Variants in SGCE observed in about 807,000 individuals in gnomAD.
SGCE encodes sarcoglycan epsilon.
Under a neutral mutation model 57.8 loss-of-function variants are expected in SGCE, and 26 were observed. The observed-to-expected ratio is 0.45, with a 90% CI of 0.33 to 0.62. The LOEUF (loss-of-function observed/expected upper bound fraction) is 0.62. SGCE is among the 20% of genes least tolerant of loss of function. The pLI, the probability that SGCE is intolerant of heterozygous loss-of-function variation, is 0.02. For missense variants in SGCE, 468 were observed against 548.6 expected, an observed-to-expected ratio of 0.85 and a Z score of 1.47; for synonymous variants, 183 against 189.5, an observed-to-expected ratio of 0.97 and a Z score of 0.28.
At chr7:94,604,771 A>G (rs2116738455) in intron 5 of SGCE, among the ~76,000 whole-genome samples, 1 of 123,324 alleles carries the variant, frequency 8.1e-6, no homozygotes, top group African/African-American at 3.0e-5. Flanking sequence ...TTGAAAACTA[A>G]TCATAGAATT....
chr7:94,586,815 A>G (rs904887378), intron 10 of SGCE: 1 of 984,882 alleles, frequency 1.0e-6, no homozygotes, highest in African/African-American at 1.7e-5. Flanking sequence ...ATTTAGTTTT[A>G]AATGTACCAG....
chr7:94,639,619 G>T (rs1377617860), intron 1 of SGCE, among the ~76,000 whole-genome samples: 1 of 152,044 alleles, frequency 6.6e-6, no homozygotes, highest in Non-Finnish European at 1.5e-5. Flanking sequence ...GAGTATGTGG[G>T]GATACAAGAC....
At chr7:94,651,946 T>TG (rs1315195066) in intron 1 of SGCE, among the ~76,000 whole-genome samples, 7 of 152,074 alleles carry the variant, frequency 4.6e-5, no homozygotes, top group East Asian at 1.9e-4. Context: ...TATTTTTTTT[T>TG]TTTGTTTCTC....
chr7:94,588,348 A>C (rs1797192296), intron 10 of SGCE: 2 of 1,104,062 alleles, frequency 1.8e-6, no homozygotes. Flanking sequence ...TCACTTACTG[A>C]GACAAATCCT....
chr7:94,588,711 C>CT lies in SGCE; in HGVS notation c.1274dup (p.Ile426AspfsTer9). The CT allele has an allele frequency of 6.2e-7, 1 of 1,610,494 alleles. No homozygotes were observed. The highest frequency in any genetic ancestry group is 8.5e-7 in the Non-Finnish European group (1 of 1,176,842). ...CACCTGTAGTCTGCTGTTGGGGAAT[C>CT]TGAGTCTGATGTGGCAAGTTCCTAG... is the stretch of plus-strand genomic sequence containing the variant. On this transcript the variant is annotated frameshift_variant, in exon 10 of 11. Transcript: ENST00000648936. LOFTEE classifies it high-confidence loss of function.
intron 5 of SGCE, among the ~76,000 whole-genome samples, chr7:94,612,509 T>C (rs1801191444): frequency 6.6e-6 from 1 of 152,222 alleles, no homozygotes. Flanking sequence ...TATGGCAGTA[T>C]AATTTCTTTT....
chr7:94,606,236 CTACTT>C (rs1399683135), intron 5 of SGCE, among the ~76,000 whole-genome samples: 3 of 152,220 alleles, frequency 2.0e-5, no homozygotes, highest in African/African-American at 4.8e-5. Context: ...TAAAAAATAT[CTACTT>C]TAAATAGGAA....
chr7:94,587,295 T>A (rs939964873), intron 10 of SGCE: 6 of 991,140 alleles, frequency 6.1e-6, no homozygotes, highest in Non-Finnish European at 7.2e-6. Context: ...TCTACTCAAG[T>A]TTCCTAATTC....
intron 1 of SGCE, chr7:94,639,254 C>T: frequency 1.2e-6 from 1 of 835,436 alleles, no homozygotes; most frequent in Non-Finnish European, 1.8e-6. Flanking sequence ...CAAAAAGCCA[C>T]ACATGACTAA....
chr7:94,623,258 T>C (rs1430230562), intron 4 of SGCE, 67 bp downstream of exon 4: 1 of 959,960 alleles, frequency 1.0e-6, no homozygotes, highest in African/African-American at 1.7e-5. Flanking sequence ...CTATATTTTA[T>C]GTAGTTATAA....
At chr7:94,618,490 G>A in intron 5 of SGCE, 1 of 361,454 alleles carries the variant, frequency 2.8e-6, no homozygotes, top group Non-Finnish European at 4.9e-6. Context: ...GCTTCTTAAT[G>A]GAAGGTACAA....
At chr7:94,647,483 C>T (rs759940257) in intron 1 of SGCE, among the ~76,000 whole-genome samples, 69 of 152,208 alleles carry the variant, frequency 4.5e-4, no homozygotes, top group Non-Finnish European at 8.7e-4. Flanking sequence ...ACCCCTCCAA[C>T]CTTTTCCTCA....
intron 5 of SGCE, 48 bp from the exon 6 acceptor site, chr7:94,603,500 C>G: frequency 6.5e-7 from 1 of 1,549,000 alleles, no homozygotes; most frequent in Non-Finnish European, 8.9e-7. Flanking sequence ...AAATTGAAAA[C>G]ACTAAAAAAC....
intron 9 of SGCE, among the ~76,000 whole-genome samples, chr7:94,592,917 AT>A (rs1260295989): frequency 1.3e-5 from 2 of 152,174 alleles, no homozygotes; most frequent in Admixed American, 6.5e-5. Context: ...GTATGGTGAC[AT>A]CATTTAACAA....
intron 1 of SGCE, among the ~76,000 whole-genome samples, chr7:94,634,062 A>C (rs991796243): frequency 1.3e-5 from 2 of 152,190 alleles, no homozygotes; most frequent in African/African-American, 4.8e-5. Context: ...TTGAGAAGAA[A>C]GTCATAAAGT....
intron 1 of SGCE, among the ~76,000 whole-genome samples, chr7:94,638,090 A>G (rs951440133): frequency 1.3e-5 from 2 of 152,222 alleles, no homozygotes; most frequent in African/African-American, 4.8e-5. Flanking sequence ...TCTGATGGCA[A>G]TATCTAAAGA....
intron 5 of SGCE, among the ~76,000 whole-genome samples, chr7:94,613,699 T>C (rs996364418): frequency 1.3e-5 from 2 of 152,172 alleles, no homozygotes; most frequent in East Asian, 3.8e-4. Flanking sequence ...TAGCCAAATA[T>C]ATGGATCCAA....
chr7:94,622,665 T>G (rs1802995038), intron 4 of SGCE: 1 of 151,974 alleles, frequency 6.6e-6, no homozygotes, highest in Non-Finnish European at 1.5e-5. Flanking sequence ...TACAAAGTAT[T>G]TGGTGATATT....
At chr7:94,655,671 G>A (rs564025657) in intron 1 of SGCE, among the ~76,000 whole-genome samples, 1 of 152,212 alleles carries the variant, frequency 6.6e-6, no homozygotes, top group African/African-American at 2.4e-5. Context: ...GGGATCGGGA[G>A]AGGACTACCC....
Sources: gnomAD v4.1 joint callset for allele counts (sites outside exome capture counted in the v4.1 genomes callset) on GRCh38, gnomAD v4.1.1 for gene constraint, MANE v1.5 for transcripts, NCBI Gene and HGNC (gene_info 2026-07-23, HGNC 2026-07-21) for gene names.